ATP8B4: variants seen among roughly 807,000 people sequenced by gnomAD.
ATP8B4 encodes the protein probable phospholipid-transporting ATPase IM.
A neutral mutation model predicts 145.6 loss-of-function variants in ATP8B4; 133 were observed. That is an observed-to-expected ratio of 0.91 (90% confidence interval 0.79 to 1.05). The LOEUF (loss-of-function observed/expected upper bound fraction) is 1.05, where lower values mean the gene tolerates loss of function less well. Ranked by LOEUF, ATP8B4 falls within the 50% of genes least tolerant of loss-of-function variation. The pLI is 0.00. For synonymous variants in ATP8B4, 507 were observed against 492.9 expected, an observed-to-expected ratio of 1.03 and a Z score of -0.38; for missense variants, 1,458 against 1,425.2, an observed-to-expected ratio of 1.02 and a Z score of -0.37.
chr15:50,153,924 A>G (rs996957551), intron 1 of ATP8B4, among the ~76,000 whole-genome samples: 2 of 152,244 alleles, frequency 1.3e-5, no homozygotes, highest in Non-Finnish European at 2.9e-5. Flanking sequence ...AATTTTTACT[A>G]AGAGAAGATC....
intron 5 of ATP8B4, among the ~76,000 whole-genome samples, chr15:50,043,390 C>T (rs975703321): frequency 2.6e-5 from 4 of 152,128 alleles, no homozygotes; most frequent in African/African-American, 9.7e-5. Context: ...ATTTGAACTG[C>T]ACAGGTCCAC....
chr15:50,041,622 A>C (rs1466617411), intron 5 of ATP8B4, among the ~76,000 whole-genome samples: 1 of 152,172 alleles, frequency 6.6e-6, no homozygotes, highest in Non-Finnish European at 1.5e-5. Flanking sequence ...GATATTACTC[A>C]TCAGTGTGGA....
intron 1 of ATP8B4, among the ~76,000 whole-genome samples, chr15:50,154,118 T>G (rs1411098910): frequency 6.6e-6 from 1 of 152,228 alleles, no homozygotes; most frequent in Non-Finnish European, 1.5e-5. Context: ...TTATCACAAC[T>G]TATTCAGTCC....
At chr15:49,923,953 A>AT (rs984154549) in intron 16 of ATP8B4, among the ~76,000 whole-genome samples, 5 of 151,750 alleles carry the variant, frequency 3.3e-5, no homozygotes, top group African/African-American at 1.2e-4. Flanking sequence ...TGGTTTATGC[A>AT]TTTTTTCTTG....
At position 49,932,973 on chromosome 15, in the gene ATP8B4, C is replaced by T. The variant is rs138939533; in HGVS notation, c.1453+1044G>A. ...ACTGACTCTCATGTAAACTTGCATT[C>T]TGAATTCACAATATCTAGGTGGCCT... On this transcript the variant is annotated intron_variant, in intron 15 of 27. Transcript: ENST00000284509. 5.8e-3 allele frequency among the ~76,000 whole-genome samples: 884 copies of T among 152,142 alleles called. 17 individuals carry two copies. The highest frequency in any genetic ancestry group is 0.02 in the African/African-American group (849 of 41,538).
At chr15:49,997,479 G>C (rs919378620) in intron 8 of ATP8B4, among the ~76,000 whole-genome samples, 1 of 152,052 alleles carries the variant, frequency 6.6e-6, no homozygotes, top group Non-Finnish European at 1.5e-5. Context: ...CTTAAGATCA[G>C]CTATCAGAGT....
intron 8 of ATP8B4, 127 bp downstream of exon 8, chr15:50,002,026 T>C (rs749912504): frequency 1.5e-5 from 11 of 715,380 alleles, no homozygotes; most frequent in Non-Finnish European, 2.5e-5. Flanking sequence ...TAATTAACTA[T>C]GGACTTTGCA....
chr15:49,983,509 C>CAG (rs2046331264), intron 10 of ATP8B4, among the ~76,000 whole-genome samples: 10 of 152,230 alleles, frequency 6.6e-5, no homozygotes, highest in Admixed American at 5.9e-4. Flanking sequence ...TCTGAGGGAC[C>CAG]ATCACCTCTC....
At chr15:50,081,856 G>A (rs2054579024) in intron 2 of ATP8B4, among the ~76,000 whole-genome samples, 1 of 152,162 alleles carries the variant, frequency 6.6e-6, no homozygotes, top group Non-Finnish European at 1.5e-5. Context: ...ACAGCCTCAG[G>A]CACTTGGCTG....
intron 23 of ATP8B4, among the ~76,000 whole-genome samples, chr15:49,884,133 TTTTTCTTCA>T (rs934701552): frequency 1.3e-5 from 2 of 152,166 alleles, no homozygotes; most frequent in African/African-American, 2.4e-5. Flanking sequence ...TATTTAGATT[TTTTTCTTCA>T]TTTTCATTCC....
At chr15:50,056,647 T>C (rs923033010) in intron 3 of ATP8B4, among the ~76,000 whole-genome samples, 1 of 151,892 alleles carries the variant, frequency 6.6e-6, no homozygotes, top group Non-Finnish European at 1.5e-5. Context: ...TAACTAAAAA[T>C]GTTAAAGTTA....
chr15:50,085,230 A>G (rs147520402), intron 2 of ATP8B4, among the ~76,000 whole-genome samples: 1 of 152,222 alleles, frequency 6.6e-6, no homozygotes, highest in Non-Finnish European at 1.5e-5. Flanking sequence ...AGTTCATCCC[A>G]AGGAGTAGCA....
At chr15:50,111,407 T>A (rs1172912340) in intron 1 of ATP8B4, among the ~76,000 whole-genome samples, 1 of 152,248 alleles carries the variant, frequency 6.6e-6, no homozygotes, top group Non-Finnish European at 1.5e-5. Flanking sequence ...TAATAAATTG[T>A]CATTCTTATT....
At chr15:50,018,932 A>G (rs2049311516) in intron 6 of ATP8B4, 1 of 1,263,178 alleles carries the variant, frequency 7.9e-7, no homozygotes, top group African/African-American at 1.6e-5. Flanking sequence ...TACAATTACC[A>G]GAGTACTTCC....
chr15:49,886,065 T>G (rs1021585419), intron 23 of ATP8B4: 2 of 152,160 alleles, frequency 1.3e-5, no homozygotes, highest in Non-Finnish European at 2.9e-5. Flanking sequence ...CACTGCTTCT[T>G]AACTACTGAC....
At chr15:49,888,817 A>C (rs1049667824) in intron 23 of ATP8B4, among the ~76,000 whole-genome samples, 6 of 152,016 alleles carry the variant, frequency 3.9e-5, no homozygotes, top group Admixed American at 6.6e-5. Flanking sequence ...TGGAAATCTC[A>C]TTAGAACAAA....
chr15:50,167,662 T>C (rs779533904), intron 1 of ATP8B4, among the ~76,000 whole-genome samples: 22 of 152,184 alleles, frequency 1.4e-4, no homozygotes, highest in Non-Finnish European at 3.1e-4. Flanking sequence ...CCACTACACT[T>C]AGCATATCAG....
At chr15:49,910,710 G>A (rs2039138687) in intron 20 of ATP8B4, among the ~76,000 whole-genome samples, 2 of 152,132 alleles carry the variant, frequency 1.3e-5, no homozygotes, top group South Asian at 4.1e-4. Flanking sequence ...AGTGCTGAAA[G>A]ACAGTATCTG....
chr15:50,056,309 C>A (rs892255126), intron 3 of ATP8B4, among the ~76,000 whole-genome samples: 18 of 152,146 alleles, frequency 1.2e-4, no homozygotes, highest in African/African-American at 3.9e-4. Flanking sequence ...TAAGCAAAGA[C>A]CCTCCCATCA....
Sources: allele counts gnomAD v4.1 joint callset (sites outside exome capture counted in the v4.1 genomes callset), GRCh38; gene constraint gnomAD v4.1.1; transcripts MANE v1.5; gene names NCBI Gene and HGNC (gene_info 2026-07-23, HGNC 2026-07-21).